The following COL1A1 variants were observed in gnomAD, a reference collection of about 807,000 sequenced individuals.
The protein encoded by COL1A1 is collagen type I alpha 1 chain, also known as collagen alpha-1(I) chain.
In COL1A1, 21 loss-of-function variants were observed where a neutral mutation model predicts 195.7. The ratio of observed to expected loss-of-function variants is 0.11; its 90% CI spans 0.08 to 0.15. The LOEUF (loss-of-function observed/expected upper bound fraction) is 0.15, where lower values mean the gene tolerates loss of function less well. Ranked by LOEUF, COL1A1 falls within the 10% of genes least tolerant of loss-of-function variation. The pLI is 1.00. For missense variants in COL1A1, 1,365 were observed against 2,051.0 expected (o/e 0.67, Z 6.46); for synonymous variants, 749 against 747.3 (o/e 1.00, Z -0.04).
rs527358320 is a variant in COL1A1 at position 50,184,666 on chromosome 17, G to A, written c.*836C>T. On this transcript the variant is annotated 3_prime_UTR_variant, in exon 51 of 51. Transcript: ENST00000225964. ...CCGCTTCCACCCTGCCCCCATCCCC[G>A]CCCCCAGGCAGTTGCCCCGGTGACA... 135 of 121,266 alleles carry A rather than the reference G, an allele frequency of 1.1e-3. No individual in the cohort carries two copies. The East Asian group carries it at 0.029, about 26-fold the overall frequency. 7.5% of individuals were successfully genotyped at this position (121,266 alleles called of 1,614,324 possible). A position where few individuals can be genotyped will look rare whatever the true frequency, so the allele number is the denominator to read the frequency against.
At position 50,199,258 on chromosome 17, in the gene COL1A1, G is replaced by C; in HGVS notation, c.439C>G (p.Pro147Ala). 2 of 1,487,770 alleles carry C rather than the reference G, an allele frequency of 1.3e-6. No individual in the cohort carries two copies. The highest frequency in any genetic ancestry group is 1.8e-6 in the Non-Finnish European group (2 of 1,112,490). The allele number at this position is 1,487,770 out of a possible 1,614,324, so 92.2% of individuals were successfully genotyped here. The change falls in exon 5 of 51, where the codon CCC (proline) becomes GCC (alanine). Residue 147 changes from proline (P) to alanine (A), a missense_variant. By Grantham distance (27) the Pro-to-Ala change is conservative. Around this residue, in one of 5 missense-constraint regions of COL1A1, gnomAD observed 194 missense variants for 221.7 expected, o/e 0.88. Transcript: ENST00000225964. ...QPGLPGPPGPPGPPGPPGLGG... is the reference protein window; with the variant it reads ...QPGLPGPPGPAGPPGPPGLGG... ...AGGCCAGGGGGTCCGGGAGGTCCGGGGGGTCCGGGGGGTCCGGGAAGTCCA... is the reference window on the plus strand; with the variant it reads ...AGGCCAGGGGGTCCGGGAGGTCCGGCGGGTCCGGGGGGTCCGGGAAGTCCA...
At position 50,185,426 on chromosome 17, in the gene COL1A1, T is replaced by G; in HGVS notation, c.*76A>C. The G allele has an allele frequency of 1.3e-6, 2 of 1,584,352 alleles. No individual in the cohort carries two copies. Among genetic ancestry groups the G allele is most frequent in the Non-Finnish European group, 1.7e-6 (2 of 1,154,530 alleles). ...TTTTTGGCTTTTGAGGGGGTTCAGT[T>G]TGGGTTGCTTGTCTGTTTCCGGGTT... On this transcript the variant is annotated 3_prime_UTR_variant, in exon 51 of 51. Coordinates refer to ENST00000225964, the MANE Select transcript of COL1A1 (RefSeq NM_000088.4).
chr17:50,186,102 C>T lies in COL1A1; in HGVS notation c.4006-82G>A. ...GCCTGGCCTCCCTGTCCAGGGTCCT[C>T]AGAGAGCTGCCCAATGCACCGTTAT... is the stretch of plus-strand genomic sequence containing the variant. On this transcript the variant is annotated intron_variant, in intron 49 of 50. Coordinates refer to ENST00000225964, the MANE Select transcript of COL1A1 (RefSeq NM_000088.4). The surrounding 1 kb of genome is among the most constrained non-coding windows in gnomAD (Gnocchi z 5.3). 2 of 1,589,058 alleles carry T rather than the reference C, an allele frequency of 1.3e-6. No individual in the cohort carries two copies. Among genetic ancestry groups the T allele is most frequent in the Non-Finnish European group, 1.7e-6 (2 of 1,172,476 alleles).
In COL1A1 at chr17:50,189,064, T is replaced by C; in HGVS notation, c.2938-54A>G. ...GATAGGGTCTGGGAGGACCCTTGAG[T>C]CCGCTGGAGTCATCTCTACCAAATC... On this transcript the variant is annotated intron_variant, in intron 40 of 50. Transcript: ENST00000225964. The surrounding 1 kb of genome is among the most constrained non-coding windows in gnomAD (Gnocchi z 5.5). The C allele has an allele frequency of 6.4e-7, 1 of 1,565,310 alleles. No individual in the cohort carries two copies. Among genetic ancestry groups the C allele is most frequent in the Non-Finnish European group, 8.8e-7 (1 of 1,136,256 alleles).
chr17:50,197,305 G>A (rs1907681615), intron 9 of COL1A1, 72 bp from the exon 10 acceptor site: 4 of 1,488,428 alleles, frequency 2.7e-6, no homozygotes, highest in South Asian at 1.1e-5. Flanking sequence ...AAGTGGAGAA[G>A]GTCTCAGTCT....
In COL1A1 at chr17:50,185,494, G is replaced by A. The variant is rs1411887098; in HGVS notation, c.*8C>T. On this transcript the variant is annotated 3_prime_UTR_variant, in exon 51 of 51. Coordinates refer to ENST00000225964, the MANE Select transcript of COL1A1 (RefSeq NM_000088.4). ...GGTGGGAGGGAGCCAGGTTGGGATG[G>A]AGGGAGTTTACAGGAAGCAGACAGG... 2 of 1,613,872 alleles carry A rather than the reference G, an allele frequency of 1.2e-6. No individual in the cohort carries two copies.
rs560797488 is a variant in COL1A1 at position 50,189,919 on chromosome 17, G to A, written c.2560-7C>T. ...CAGGAGCACCAACATTACCCTGTAG[G>A]AGAGCACAGAGGCATCAAGCCTGGA... On this transcript the variant is annotated splice_polypyrimidine_tract_variant and splice_region_variant and intron_variant, in intron 36 of 50. Transcript: ENST00000225964. The surrounding 1 kb of genome is among the most constrained non-coding windows in gnomAD (Gnocchi z 5.5). 6.8e-6 allele frequency: 11 copies of A among 1,612,114 alleles called. No individual in the cohort carries two copies. In the South Asian group the frequency reaches 9.9e-5, roughly 14 times the overall value.
At chr17:50,200,746 T>C (rs2144597759) in intron 1 of COL1A1, among the ~76,000 whole-genome samples, 1 of 152,346 alleles carries the variant, frequency 6.6e-6, no homozygotes, top group South Asian at 2.1e-4. Flanking sequence ...TTAAGAGGCT[T>C]GGGCTGCCCC....
intron 31 of COL1A1, 94 bp from the exon 32 acceptor site, chr17:50,191,584 C>A: frequency 7.7e-7 from 1 of 1,298,264 alleles, no homozygotes; most frequent in Non-Finnish European, 1.1e-6. Flanking sequence ...GGCTTGTTTC[C>A]AAGGCCAACG....
chr17:50,200,160 T>C lies in COL1A1; in HGVS notation c.104-213A>G, dbSNP rs776542586. Reference sequence around the variant, plus strand: ...CCAGGGAGGCTGTAACTCTTTCCAGTTCTCAGGAATTTAAACAAAGCTTTA... The same window carrying C: ...CCAGGGAGGCTGTAACTCTTTCCAGCTCTCAGGAATTTAAACAAAGCTTTA... On this transcript the variant is annotated intron_variant, in intron 1 of 50. Transcript: ENST00000225964. 4.2e-4 allele frequency: 255 copies of C among 608,188 alleles called. 1 individual carries two copies. Among genetic ancestry groups the C allele is most frequent in the Non-Finnish European group, 7.2e-4 (246 of 342,020 alleles). The allele number at this position is 608,188 out of a possible 1,614,324, so 37.7% of individuals were successfully genotyped here.
At position 50,192,004 on chromosome 17, in the gene COL1A1, G is replaced by T. The variant is rs781141299; in HGVS notation, c.2004C>A (p.Gly668=). 1 of 1,612,898 alleles carries T rather than the reference G, an allele frequency of 6.2e-7. No homozygotes were observed. The highest frequency in any genetic ancestry group is 1.3e-5 in the African/African-American group (1 of 74,998). Residue 668 remains glycine (G), a synonymous_variant, in exon 30 of 51, where the codon GGC becomes GGA. Transcript: ENST00000225964. ...PGEQGVPGDL[G]APGPSGARGE... is the part of the protein sequence containing the mutation. Reference sequence around the variant, plus strand: ...CTCTTGCTCCAGAGGGGCCAGGGGCGCCAAGGTCTCCAGGAACACCCTGAG... The same window carrying T: ...CTCTTGCTCCAGAGGGGCCAGGGGCTCCAAGGTCTCCAGGAACACCCTGAG...
At chr17:50,200,099 C>T (rs1194505621) in intron 1 of COL1A1, 152 bp from the exon 2 acceptor site, 1 of 851,848 alleles carries the variant, frequency 1.2e-6, no homozygotes, top group Admixed American at 2.0e-5. Context: ...CTCGCCTGCT[C>T]CTCATCAGCG....
chr17:50,200,330 G>T, intron 1 of COL1A1: 1 of 362,408 alleles, frequency 2.8e-6, no homozygotes, highest in Non-Finnish European at 5.4e-6. Context: ...GGCTTGCGTG[G>T]TAGAGACAGG....
rs1182913504 is a variant in COL1A1 at position 50,194,236 on chromosome 17, G to A, written c.1615-53C>T. The stretch of plus-strand genomic sequence containing the variant: ...ACTTGGGGAGAAGCATGATGGAGGT[G>A]GGGGAGGACTCCAGAGGGCAGACCC... On this transcript the variant is annotated intron_variant, in intron 23 of 50. Coordinates refer to ENST00000225964, the MANE Select transcript of COL1A1 (RefSeq NM_000088.4). This position sits in a 1 kb window ranked among gnomAD's most constrained non-coding sequence, Gnocchi z 6.8. The A allele has an allele frequency of 6.3e-6, 10 of 1,590,218 alleles. No individual in the cohort carries two copies. The East Asian group carries it at 2.0e-4, about 32-fold the overall frequency.
rs757762337 is a variant in COL1A1 at position 50,194,136 on chromosome 17, G to C, written c.1662C>G (p.Gly554=). Residue 554 remains glycine (G), a synonymous_variant, in exon 24 of 51, where the codon GGC becomes GGG. Transcript: ENST00000225964. The surrounding 1 kb of genome is among the most constrained non-coding windows in gnomAD (Gnocchi z 6.8). ...PGSPGPDGKT[G]PPGPAGQDGR... ...CAGGGGGAGTGATACTTACAGGGGG[G>C]CCAGTTTTGCCATCAGGACCAGGGC... 1.9e-6 allele frequency: 3 copies of C among 1,613,490 alleles called. No individual in the cohort carries two copies. The East Asian group carries it at 6.7e-5, about 36-fold the overall frequency.
Position 50,188,257 on chromosome 17 carries a change from A to G in COL1A1, c.3208-108T>C. ...ATCTCTCTCTCCTCAGCTGCTTCCCACTGTGGCCATCTCTCCCAACTCCCA... is the reference window on the plus strand; with the variant it reads ...ATCTCTCTCTCCTCAGCTGCTTCCCGCTGTGGCCATCTCTCCCAACTCCCA... On this transcript the variant is annotated intron_variant, in intron 43 of 50. Transcript: ENST00000225964. This position sits in a 1 kb window ranked among gnomAD's most constrained non-coding sequence, Gnocchi z 5.6. The G allele has an allele frequency of 1.7e-6, 2 of 1,150,422 alleles. No individual in the cohort carries two copies. The highest frequency in any genetic ancestry group is 3.2e-5 in the South Asian group (2 of 63,104). The allele number at this position is 1,150,422 out of a possible 1,614,324, so 71.3% of individuals were successfully genotyped here.
chr17:50,200,068 C>G (rs1907952116), intron 1 of COL1A1, 121 bp from the exon 2 acceptor site: 1 of 1,135,286 alleles, frequency 8.8e-7, no homozygotes, highest in East Asian at 2.4e-5. Context: ...CCCCGTTCTT[C>G]TTTCCTCAAA....
In COL1A1 at chr17:50,189,962, C is replaced by A. The variant is rs1445491091; in HGVS notation, c.2559+39G>T. 6.2e-7 allele frequency: 1 copy of A among 1,610,836 alleles called. No individual in the cohort carries two copies. Among genetic ancestry groups the A allele is most frequent in the Non-Finnish European group, 8.5e-7 (1 of 1,178,560 alleles). ...AGCCTGGACCCGTCCTGGGTCCCAG[C>A]CCACCAGCCTCGTGGGCACAGAGGG... On this transcript the variant is annotated intron_variant, in intron 36 of 50. Coordinates refer to ENST00000225964, the MANE Select transcript of COL1A1 (RefSeq NM_000088.4). The surrounding 1 kb of genome is among the most constrained non-coding windows in gnomAD (Gnocchi z 5.5).
chr17:50,187,582 A>T (rs1906665636), intron 45 of COL1A1, 45 bp from the exon 46 acceptor site: 3 of 1,604,984 alleles, frequency 1.9e-6, no homozygotes, highest in Admixed American at 1.7e-5. Flanking sequence ...GTGAGCGTCA[A>T]ATGTAGCCTG....
Sources: gnomAD v4.1 joint callset for allele counts (sites outside exome capture counted in the v4.1 genomes callset) on GRCh38, gnomAD v4.1.1 for gene constraint, gnomAD v4.1.1 regional missense constraint, Gnocchi (gnomAD v3.1) non-coding constraint, MANE v1.5 for transcripts, NCBI Gene and HGNC (gene_info 2026-07-23, HGNC 2026-07-21) for gene names.